Variants in NOTCH1 observed in about 807,000 individuals in gnomAD.
NOTCH1 encodes notch receptor 1, also known as neurogenic locus notch homolog protein 1.
NOTCH1 carries 37 observed loss-of-function variants against 254.8 expected under a neutral mutation model. The observed-to-expected ratio is 0.15, with a 90% confidence interval of 0.11 to 0.19. NOTCH1 has a LOEUF of 0.19. NOTCH1 is among the 10% of genes least tolerant of loss of function. NOTCH1 has a pLI of 1.00. For missense variants in NOTCH1, 2,972 were observed against 3,708.6 expected (o/e 0.80, Z 5.16); for synonymous variants, 1,731 against 1,618.1 (o/e 1.07, Z -1.68).
rs1290588213 is a variant in NOTCH1 at position 136,505,644 on chromosome 9, C to T, written c.4252G>A (p.Ala1418Thr). The change falls in exon 25 of 34, where the codon GCC (alanine) becomes ACC (threonine). Residue 1418 changes from alanine (A) to threonine (T), a missense_variant. By Grantham distance (58) the Ala-to-Thr change is moderately conservative. Coordinates refer to ENST00000651671, the MANE Select transcript of NOTCH1 (RefSeq NM_017617.5). Reference protein sequence around the residue: ...ESPFYRCLCPAKFNGLLCHIL... With the variant: ...ESPFYRCLCPTKFNGLLCHIL... ...TGGCACAAGAGCCCGTTGAATTTGG[C>T]GGGGCACAGGCAACGGTAGAAGGGG... The T allele has an allele frequency of 1.2e-5, 20 of 1,611,764 alleles. No individual in the cohort carries two copies. The highest frequency in any genetic ancestry group is 8.0e-5 in the African/African-American group (6 of 74,908).
At chr9:136,499,487 G>A (rs976180476) in intron 31 of NOTCH1, among the ~76,000 whole-genome samples, 9 of 152,236 alleles carry the variant, frequency 5.9e-5, no homozygotes, top group African/African-American at 1.9e-4. Context: ...TGGTGACAGT[G>A]GGATCCATCG....
rs557724778 is a variant in NOTCH1 at position 136,504,561 on chromosome 9, A to G, written c.5018+112T>C. ...TCGGAACCTCCGTCTCTTTTACCATAAAGTGGGGAGAGTACTGCTTGCCAT... is the reference window on the plus strand; with the variant it reads ...TCGGAACCTCCGTCTCTTTTACCATGAAGTGGGGAGAGTACTGCTTGCCAT... On this transcript the variant is annotated intron_variant, in intron 26 of 33. Coordinates refer to ENST00000651671, the MANE Select transcript of NOTCH1 (RefSeq NM_017617.5). 30 of 1,157,228 alleles carry G rather than the reference A, an allele frequency of 2.6e-5. No individual in the cohort carries two copies. The African/African-American group carries it at 4.4e-4, about 17-fold the overall frequency. The allele number at this position is 1,157,228 out of a possible 1,614,324, so 71.7% of individuals were successfully genotyped here.
At position 136,497,203 on chromosome 9, in the gene NOTCH1, C is replaced by G. The variant is rs587778571; in HGVS notation, c.6536G>C (p.Arg2179Pro). ...GSKEAKDLKA[R>P]RKKSQDGKGC... ...CTTGCCGTCCTGGGACTTCTTCCTCCGTGCCTTGAGGTCCTTGGCCTCCTT... is the reference window on the plus strand; with the variant it reads ...CTTGCCGTCCTGGGACTTCTTCCTCGGTGCCTTGAGGTCCTTGGCCTCCTT... The change falls in exon 34 of 34, where the codon CGG becomes CCG. Residue 2179 changes from arginine (R) to proline (P), a missense_variant. Arg to Pro is a moderately radical substitution (Grantham distance 103). Coordinates refer to ENST00000651671, the MANE Select transcript of NOTCH1 (RefSeq NM_017617.5). 3.1e-6 allele frequency: 5 copies of G among 1,612,674 alleles called. No individual in the cohort carries two copies. In the Admixed American group the frequency reaches 6.7e-5, roughly 21 times the overall value.
At chr9:136,534,036 C>T (rs1171697824) in intron 2 of NOTCH1, among the ~76,000 whole-genome samples, 1 of 152,244 alleles carries the variant, frequency 6.6e-6, no homozygotes, top group African/African-American at 2.4e-5. Flanking sequence ...CGCCTCTGTG[C>T]CCGGTTGTCA....
rs748933222 is a variant in NOTCH1, at chr9:136,505,872, C to T, written c.4024G>A (p.Gly1342Ser). The change falls in exon 25 of 34, where the codon GGC becomes AGC. Residue 1342 changes from glycine (G) to serine (S), a missense_variant. Coordinates refer to ENST00000651671, the MANE Select transcript of NOTCH1 (RefSeq NM_017617.5). ...CGAGCGTCATTCTCACACGTGGCGC[C>T]CTCGAAGCCCTGCCCGAGAGGGAAG... Reference protein sequence around the residue: ...FICKCPAGFEGATCENDARTC... With the variant: ...FICKCPAGFESATCENDARTC... The T allele has an allele frequency of 2.2e-5, 35 of 1,589,370 alleles. No homozygotes were observed. The highest frequency in any genetic ancestry group is 3.0e-5 in the Non-Finnish European group (35 of 1,176,286).
rs771857664 is a variant in NOTCH1, at chr9:136,518,104, C to T, written c.1255+33G>A. On this transcript the variant is annotated intron_variant, in intron 7 of 33. Transcript: ENST00000651671. ...CGGTTCTGGGGCCAGGCTGCCACCC[C>T]CACCTGGCCGCACCCCCTGTGCTGG... is the stretch of plus-strand genomic sequence containing the variant. 4 of 1,567,464 alleles carry T rather than the reference C, an allele frequency of 2.6e-6. No individual in the cohort carries two copies. In the South Asian group the frequency reaches 3.5e-5, roughly 14 times the overall value.
At chr9:136,512,441 T>G (rs534443842) in intron 15 of NOTCH1, among the ~76,000 whole-genome samples, 149 of 152,298 alleles carry the variant, frequency 9.8e-4, no homozygotes, top group Non-Finnish European at 1.9e-3. Flanking sequence ...GGAGATCATT[T>G]CCTGTGATCC....
rs2133313567 is a variant in NOTCH1 at position 136,496,067 on chromosome 9, C to G, written c.*4G>C. 1 of 1,597,832 alleles carries G rather than the reference C, an allele frequency of 6.3e-7. No individual in the cohort carries two copies. The highest frequency in any genetic ancestry group is 8.5e-7 in the Non-Finnish European group (1 of 1,177,838). ...GGAAGCCGGGGTCTCGTGGGGCGCG[C>G]CGTTTACTTGAAGGCCTCCGGAATG... On this transcript the variant is annotated 3_prime_UTR_variant, in exon 34 of 34. Transcript: ENST00000651671.
chr9:136,538,636 C>T (rs1309529785), intron 2 of NOTCH1, among the ~76,000 whole-genome samples: 4 of 152,214 alleles, frequency 2.6e-5, no homozygotes, highest in African/African-American at 7.2e-5. Context: ...GGGAAAGATC[C>T]GGAAAGTTCT....
Position 136,510,869 on chromosome 9 carries a change from C to T in NOTCH1, c.2588-64G>A, listed in dbSNP as rs762000210. On this transcript the variant is annotated intron_variant, in intron 16 of 33. Coordinates refer to ENST00000651671, the MANE Select transcript of NOTCH1 (RefSeq NM_017617.5). Reference sequence around the variant, plus strand: ...CCTGGCCCTCCAGGCCCTTCCCAGGCTGGCCCACCCACCTACAGTGCCTCT... The same window carrying T: ...CCTGGCCCTCCAGGCCCTTCCCAGGTTGGCCCACCCACCTACAGTGCCTCT... 4.4e-6 allele frequency: 7 copies of T among 1,594,726 alleles called. No individual in the cohort carries two copies. The African/African-American group carries it at 9.4e-5, about 21-fold the overall frequency.
chr9:136,529,579 C>T (rs1172025860), intron 2 of NOTCH1, among the ~76,000 whole-genome samples: 2 of 152,226 alleles, frequency 1.3e-5, no homozygotes, highest in African/African-American at 4.8e-5. Context: ...CTCACAGCCC[C>T]TTCCCTGGCC....
intron 15 of NOTCH1, 29 bp downstream of exon 15, chr9:136,512,992 C>A (rs746494099): frequency 9.9e-7 from 1 of 1,015,046 alleles, no homozygotes; most frequent in East Asian, 2.6e-5. Flanking sequence ...GCCCCGCCCC[C>A]TCCAGCACAG....
chr9:136,531,735 A>C lies in NOTCH1; in HGVS notation c.141-7756T>G, dbSNP rs115188134. ...ACGCTGCCGGAGGAGCACTCCTGGC[A>C]TCCCGGGGGCAGACGCCGCCCTCCT... On this transcript the variant is annotated intron_variant, in intron 2 of 33. Transcript: ENST00000651671. Among the ~76,000 whole-genome samples, 942 of 152,326 alleles carry C rather than the reference A, an allele frequency of 6.2e-3. 10 individuals are homozygous for C. The highest frequency in any genetic ancestry group is 0.021 in the African/African-American group (858 of 41,568).
intron 2 of NOTCH1, among the ~76,000 whole-genome samples, chr9:136,532,165 A>C (rs983604864): frequency 1.3e-5 from 2 of 152,174 alleles, no homozygotes; most frequent in African/African-American, 4.8e-5. Flanking sequence ...AGGGGCCTGC[A>C]GTGCCACAAC....
rs765688438 is a variant in NOTCH1 at position 136,513,003 on chromosome 9, G to GC, written c.2467+17dup. 2 of 1,129,768 alleles carry GC rather than the reference G, an allele frequency of 1.8e-6. No individual in the cohort carries two copies. Among genetic ancestry groups the GC allele is most frequent in the Admixed American group, 2.0e-5 (1 of 50,966 alleles). 70.0% of individuals were successfully genotyped at this position (1,129,768 alleles called of 1,614,324 possible). A position where few individuals can be genotyped will look rare whatever the true frequency, so the allele number is the denominator to read the frequency against. On this transcript the variant is annotated intron_variant, in intron 15 of 33. Transcript: ENST00000651671. This position sits in a 1 kb window ranked among gnomAD's most constrained non-coding sequence, Gnocchi z 4.7. Reference sequence around the variant, plus strand: ...ATAGGCCCCGCCCCCTCCAGCACAGGCCCCACCCACCCCTCACCTGTGTAG... The same window carrying GC: ...ATAGGCCCCGCCCCCTCCAGCACAGGCCCCCACCCACCCCTCACCTGTGTAG...
At chr9:136,530,673 C>T (rs1245107636) in intron 2 of NOTCH1, among the ~76,000 whole-genome samples, 1 of 152,240 alleles carries the variant, frequency 6.6e-6, no homozygotes, top group African/African-American at 2.4e-5. Flanking sequence ...GCGGATCCCC[C>T]AAAAGCAGGC....
Position 136,545,637 on chromosome 9 carries a change from G to T in NOTCH1, c.61+89C>A. The T allele has an allele frequency of 8.9e-7, 1 of 1,129,334 alleles. No individual in the cohort carries two copies. Among genetic ancestry groups the T allele is most frequent in the African/African-American group, 1.7e-5 (1 of 60,102 alleles). 70.0% of individuals were successfully genotyped at this position (1,129,334 alleles called of 1,614,324 possible). ...CTCCATGCTGGCCTCCCCGCCGCCCGCTCCCAGCCGTGGGGCGCGCGCGCC... is the reference window on the plus strand; with the variant it reads ...CTCCATGCTGGCCTCCCCGCCGCCCTCTCCCAGCCGTGGGGCGCGCGCGCC... On this transcript the variant is annotated intron_variant, in intron 1 of 33. Coordinates refer to ENST00000651671, the MANE Select transcript of NOTCH1 (RefSeq NM_017617.5). This position sits in a 1 kb window ranked among gnomAD's most constrained non-coding sequence, Gnocchi z 6.8.
At chr9:136,497,674 G>A in intron 33 of NOTCH1, 116 bp from the exon 34 acceptor site, 2 of 833,158 alleles carry the variant, frequency 2.4e-6, no homozygotes, top group South Asian at 1.8e-5. Context: ...GTGGGGGCAG[G>A]CAGGCTGCTC....
rs2133363594 is a variant in NOTCH1, at chr9:136,515,555, G to A, written c.1831C>T (p.Pro611Ser). The part of the protein sequence containing the change: ...ETNINECSSQ[P>S]CRHGGTCQDR... ...TGGCAGGTGCCCCCGTGGCGGCAGGGCTGGCTGGAGCACTCGTTGATGTTG... is the reference window on the plus strand; with the variant it reads ...TGGCAGGTGCCCCCGTGGCGGCAGGACTGGCTGGAGCACTCGTTGATGTTG... Residue 611 changes from proline (P) to serine (S), a missense_variant, in exon 11 of 34, where the codon CCC becomes TCC. Pro to Ser is a moderately conservative substitution (Grantham distance 74). Transcript: ENST00000651671. The A allele has an allele frequency of 6.2e-7, 1 of 1,611,156 alleles. No individual in the cohort carries two copies.
Sources: gnomAD v4.1 joint callset for allele counts (sites outside exome capture counted in the v4.1 genomes callset) on GRCh38, gnomAD v4.1.1 for gene constraint, Gnocchi (gnomAD v3.1) non-coding constraint, MANE v1.5 for transcripts, NCBI Gene and HGNC (gene_info 2026-07-23, HGNC 2026-07-21) for gene names.